The following BLM variants were observed in gnomAD, a reference collection of about 807,000 sequenced individuals.
BLM encodes the protein BLM RecQ like helicase, also known as recQ-like DNA helicase BLM.
In BLM, 95 loss-of-function variants were observed where a neutral mutation model predicts 135.3. The observed-to-expected ratio is 0.70, with a 90% CI of 0.59 to 0.83. The LOEUF is 0.83. Among genes scored for constraint, BLM ranks in the 40% least tolerant of loss-of-function variants. BLM has a pLI of 0.00. For missense variants in BLM, 1,518 were observed against 1,663.9 expected (o/e 0.91, Z 1.53); for synonymous variants, 520 against 589.2 (o/e 0.88, Z 1.70).
Position 90,813,808 on chromosome 15 carries a change from G to A in BLM, c.4077-1294G>A, listed in dbSNP as rs889803394. 1.2e-4 allele frequency among the ~76,000 whole-genome samples: 18 copies of A among 152,094 alleles called. 1 individual carries two copies. The highest frequency in any genetic ancestry group is 3.8e-4 in the East Asian group (2 of 5,196). ...TTTCCACCGACCCAGTGTGCTCCCC[G>A]GATTGAGAGTCCCTGTGCAGTGAAA... is the stretch of plus-strand genomic sequence containing the variant. On this transcript the variant is annotated intron_variant, in intron 21 of 21. Transcript: ENST00000355112.
At chr15:90,807,147 C>A (rs1209899479) in intron 19 of BLM, among the ~76,000 whole-genome samples, 1 of 152,162 alleles carries the variant, frequency 6.6e-6, no homozygotes, top group East Asian at 1.9e-4. Flanking sequence ...CCAGAGTGTT[C>A]CACTATTTTC....
chr15:90,721,160 G>A (rs1894754958), intron 1 of BLM, among the ~76,000 whole-genome samples: 1 of 152,102 alleles, frequency 6.6e-6, no homozygotes, highest in Admixed American at 6.5e-5. Context: ...GATGCTCCAT[G>A]TTATTATTAG....
chr15:90,746,537 T>C (rs1428858422), intron 1 of BLM, among the ~76,000 whole-genome samples: 1 of 152,200 alleles, frequency 6.6e-6, no homozygotes, highest in East Asian at 1.9e-4. Context: ...GGTTGATAGA[T>C]ATGGGTTAAT....
At chr15:90,761,772 G>A (rs770014658) in intron 7 of BLM, among the ~76,000 whole-genome samples, 1 of 152,124 alleles carries the variant, frequency 6.6e-6, no homozygotes, top group Non-Finnish European at 1.5e-5. Context: ...AGGGCTCACT[G>A]CATGCCATGT....
chr15:90,748,505 CCTT>C (rs1247769247), intron 2 of BLM, among the ~76,000 whole-genome samples: 20 of 152,166 alleles, frequency 1.3e-4, no homozygotes, highest in Non-Finnish European at 4.4e-5. Context: ...ACTCCAGACT[CCTT>C]CTAATGATAT....
At chr15:90,772,835 C>T (rs1488743029) in intron 12 of BLM, among the ~76,000 whole-genome samples, 9 of 152,088 alleles carry the variant, frequency 5.9e-5, no homozygotes, top group South Asian at 2.1e-4. Flanking sequence ...TGGTGACTCA[C>T]GCCTGTAATC....
At chr15:90,726,560 A>C (rs1446039756) in intron 1 of BLM, among the ~76,000 whole-genome samples, 1 of 151,930 alleles carries the variant, frequency 6.6e-6, no homozygotes, top group Non-Finnish European at 1.5e-5. Context: ...GAGCCACCAC[A>C]CCCAGCCAAT....
intron 12 of BLM, among the ~76,000 whole-genome samples, chr15:90,782,291 G>A (rs1395535689): frequency 6.6e-6 from 1 of 152,166 alleles, no homozygotes; most frequent in Non-Finnish European, 1.5e-5. Context: ...GGGAGGCTGA[G>A]GCAGGAGAAT....
rs1299272913 is a variant in BLM at position 90,749,493 on chromosome 15, AC to A, written c.227del (p.Pro76LeufsTer53). 1 of 1,614,008 alleles carries A rather than the reference AC, an allele frequency of 6.2e-7. No individual in the cohort carries two copies. The highest frequency in any genetic ancestry group is 8.5e-7 in the Non-Finnish European group (1 of 1,180,000). On this transcript the variant is annotated frameshift_variant, in exon 3 of 22. Coordinates refer to ENST00000355112, the MANE Select transcript of BLM (RefSeq NM_000057.4). LOFTEE classifies it high-confidence loss of function. ...TTACCGAAGACTTTTCCTTCAGTGA[AC>A]CTCTACCCAACACCACAAATCAGCA... ...NVTEDFSFSE[P>X]LPNTTNQQRV...
Position 90,761,031 on chromosome 15 carries a change from T to G in BLM, c.1658T>G (p.Ile553Ser). The G allele has an allele frequency of 6.3e-7, 1 of 1,597,320 alleles. No individual in the cohort carries two copies. Among genetic ancestry groups the G allele is most frequent in the Non-Finnish European group, 8.5e-7 (1 of 1,173,490 alleles). The change falls in exon 7 of 22, where the codon ATT becomes AGT. Residue 553 changes from isoleucine (I) to serine (S), a missense_variant. By Grantham distance (142) the Ile-to-Ser change is moderately radical (BLOSUM62 -2). This residue lies in a region of BLM where 724 missense variants were observed against 756.9 expected (regional missense o/e 0.96). Coordinates refer to ENST00000355112, the MANE Select transcript of BLM (RefSeq NM_000057.4). ...LERETQPSYDIDNFDIDDFDD... is the reference protein window; with the variant it reads ...LERETQPSYDSDNFDIDDFDD... Reference sequence around the variant, plus strand: ...AGAGAAACCCAACCTTCCTATGATATTGATAATTTTGACATAGATGACTTT... The same window carrying G: ...AGAGAAACCCAACCTTCCTATGATAGTGATAATTTTGACATAGATGACTTT...
intron 21 of BLM, among the ~76,000 whole-genome samples, chr15:90,813,555 G>A (rs923212320): frequency 6.6e-6 from 1 of 151,998 alleles, no homozygotes; most frequent in African/African-American, 2.4e-5. Flanking sequence ...CACCACGCTG[G>A]GCTAATTTTT....
intron 5 of BLM, 116 bp from the exon 6 acceptor site, chr15:90,760,031 C>T (rs2151156813): frequency 1.0e-6 from 1 of 956,294 alleles, no homozygotes; most frequent in Non-Finnish European, 1.6e-6. Flanking sequence ...CTTAAGCAAT[C>T]CTCCTGCCTT....
In BLM at chr15:90,782,824, T is replaced by G; in HGVS notation, c.2558T>G (p.Phe853Cys). The G allele has an allele frequency of 6.2e-7, 1 of 1,609,218 alleles. No individual in the cohort carries two copies. Among genetic ancestry groups the G allele is most frequent in the Non-Finnish European group, 8.5e-7 (1 of 1,175,566 alleles). ...TQLKILRPQVFSMSFNRHNLK... is the reference protein window; with the variant it reads ...TQLKILRPQVCSMSFNRHNLK... ...TTTTATGTTTGGGACTTTTTTAGGT[T>G]TAGCATGAGCTTTAACAGACATAAT... is the stretch of plus-strand genomic sequence containing the variant. The change falls in exon 13 of 22, where the codon TTT (phenylalanine) becomes TGT (cysteine). Residue 853 changes from phenylalanine (F) to cysteine (C), a missense_variant and splice_region_variant. Coordinates refer to ENST00000355112, the MANE Select transcript of BLM (RefSeq NM_000057.4).
intron 21 of BLM, among the ~76,000 whole-genome samples, chr15:90,812,063 A>G (rs1041668688): frequency 6.6e-6 from 1 of 152,184 alleles, no homozygotes; most frequent in Admixed American, 6.5e-5. Flanking sequence ...TTTTCCACCT[A>G]CAATACTATA....
At chr15:90,808,729 G>A (rs563793256) in intron 19 of BLM, 22 of 315,744 alleles carry the variant, frequency 7.0e-5, no homozygotes, top group South Asian at 6.0e-4. Flanking sequence ...AGTCTGGAGT[G>A]CAGAGAAGAG....
intron 5 of BLM, among the ~76,000 whole-genome samples, chr15:90,757,466 T>C (rs1171299440): frequency 1.3e-5 from 2 of 152,210 alleles, no homozygotes; most frequent in Non-Finnish European, 2.9e-5. Context: ...CATTGTGTAT[T>C]CTCTTTCCAA....
chr15:90,801,976 C>T (rs28385130), intron 17 of BLM, among the ~76,000 whole-genome samples: 23,370 of 152,024 alleles, frequency 0.15, 1,910 homozygotes, highest in Non-Finnish European at 0.19. Flanking sequence ...GGATCACCTG[C>T]GCCCATGAGA....
At chr15:90,741,723 G>A (rs1369497291) in intron 1 of BLM, among the ~76,000 whole-genome samples, 2 of 151,880 alleles carry the variant, frequency 1.3e-5, no homozygotes. Context: ...GGGTTGTATT[G>A]GTATATTATC....
chr15:90,816,033 A>G lies in BLM; in HGVS notation c.*754A>G, dbSNP rs191591515. ...GAGGCGGAGGTTGCAGTGAGCCGAG[A>G]TCGTGCCACTGCACTCCAGCCTGGG... On this transcript the variant is annotated 3_prime_UTR_variant, in exon 22 of 22. Transcript: ENST00000355112. 3,613 of 149,902 alleles carry G rather than the reference A, an allele frequency of 0.024. 55 individuals are homozygous for G. The highest frequency in any genetic ancestry group is 0.038 in the Non-Finnish European group (2,575 of 67,794). The allele number at this position is 149,902 out of a possible 1,614,324, so 9.3% of individuals were successfully genotyped here.
Sources: allele counts gnomAD v4.1 joint callset (sites outside exome capture counted in the v4.1 genomes callset), GRCh38; gene constraint gnomAD v4.1.1; regional missense constraint gnomAD v4.1.1; transcripts MANE v1.5; gene names NCBI Gene and HGNC (gene_info 2026-07-23, HGNC 2026-07-21).